CCDC9: variants seen among roughly 807,000 people sequenced by gnomAD.
The protein encoded by CCDC9 is coiled-coil domain-containing protein 9.
CCDC9 carries 52 observed loss-of-function variants against 65.6 expected under a neutral mutation model. The observed-to-expected ratio is 0.79, with a 90% CI of 0.63 to 1.00. CCDC9 has a LOEUF of 1.00. Among genes scored for constraint, CCDC9 ranks in the 50% least tolerant of loss-of-function variants. The pLI is 0.00. For synonymous variants in CCDC9, 332 were observed against 280.3 expected (o/e 1.18, Z -1.84); for missense variants, 834 against 757.2 (o/e 1.10, Z -1.19).
chr19:47,275,160 G>T, downstream of CCDC9: 1 of 1,480,338 alleles, frequency 6.8e-7, no homozygotes. Flanking sequence ...TGCCCGCCCG[G>T]GCGTGCCGCC....
downstream of CCDC9, chr19:47,272,010 CTTG>C: frequency 1.6e-6 from 2 of 1,240,138 alleles, no homozygotes; most frequent in Non-Finnish European, 2.0e-6. Context: ...GGCCTTCTCT[CTTG>C]GGGTGGGGAG....
At chr19:47,274,309 C>T (rs1165212184), downstream of CCDC9, 7 of 47,788 alleles carry the variant, frequency 1.5e-4, no homozygotes, top group South Asian at 2.6e-3. Flanking sequence ...GGAGTTAGAG[C>T]GGGGGGCGGG....
At chr19:47,266,539 G>T in intron 7 of CCDC9, 72 bp from the exon 8 acceptor site, 13 of 1,442,852 alleles carry the variant, frequency 9.0e-6, no homozygotes, top group Non-Finnish European at 1.2e-5. Flanking sequence ...TGAGCAAGTG[G>T]ATGTGCCTCG....
chr19:47,275,002 T>A, downstream of CCDC9: 2 of 1,474,578 alleles, frequency 1.4e-6, no homozygotes, highest in Non-Finnish European at 1.8e-6. Context: ...GGGCGCTGGC[T>A]GCGCTTGGCT....
intron 3 of CCDC9, 122 bp downstream of exon 3, chr19:47,258,785 G>C: frequency 1.4e-6 from 1 of 689,770 alleles, no homozygotes; most frequent in Non-Finnish European, 2.6e-6. Context: ...AAGGCCAAAG[G>C]CCTTAGCCTG....
At chr19:47,259,095 G>A (rs1426619807) in intron 3 of CCDC9, among the ~76,000 whole-genome samples, 1 of 152,230 alleles carries the variant, frequency 6.6e-6, no homozygotes, top group Non-Finnish European at 1.5e-5. Flanking sequence ...GGACTCTGAG[G>A]CTTGAGTGGT....
chr19:47,257,468 T>G (rs2059018154), intron 1 of CCDC9: 1 of 148,552 alleles, frequency 6.7e-6, no homozygotes, highest in South Asian at 2.1e-4. Context: ...CCAGAAAGTT[T>G]TTTCCCGAGC....
downstream of CCDC9, chr19:47,275,137 C>G: frequency 6.7e-7 from 1 of 1,491,180 alleles, no homozygotes; most frequent in South Asian, 1.3e-5. Flanking sequence ...AGCGCGCCGT[C>G]CCCTCCGTGT....
At chr19:47,267,301 G>A (rs894891105) in intron 8 of CCDC9, among the ~76,000 whole-genome samples, 4 of 151,904 alleles carry the variant, frequency 2.6e-5, no homozygotes, top group African/African-American at 7.3e-5. Flanking sequence ...TGGAGACAGA[G>A]TCTAGCTCTG....
Position 47,260,628 on chromosome 19 carries a change from C to T in CCDC9, c.251C>T (p.Pro84Leu), listed in dbSNP as rs1049188328. ...LGPSRRSPGT[P>L]RPPGASKGGR... The stretch of plus-strand genomic sequence containing the variant: ...CCTTCCCGGAGGTCTCCTGGGACCC[C>T]TCGGCCCCCAGGGGCCAGCAAGGGG... Residue 84 changes from proline (P) to leucine (L), a missense_variant, in exon 5 of 12, where the codon CCT becomes CTT. Pro to Leu is a moderately conservative substitution (Grantham distance 98). Coordinates refer to ENST00000221922, the MANE Select transcript of CCDC9 (RefSeq NM_015603.3). 3 of 1,523,392 alleles carry T rather than the reference C, an allele frequency of 2.0e-6. No individual in the cohort carries two copies. Among genetic ancestry groups the T allele is most frequent in the African/African-American group, 2.8e-5 (2 of 71,976 alleles). The allele number at this position is 1,523,392 out of a possible 1,614,324, so 94.4% of individuals were successfully genotyped here. A position where few individuals can be genotyped will look rare whatever the true frequency, so the allele number is the denominator to read the frequency against.
At chr19:47,275,389 G>A, downstream of CCDC9, 3 of 1,521,852 alleles carry the variant, frequency 2.0e-6, no homozygotes, top group South Asian at 1.2e-5. Flanking sequence ...GCCCTCGAGA[G>A]CTCTGTGCTC....
intron 10 of CCDC9, 45 bp from the exon 11 acceptor site, chr19:47,271,037 G>A: frequency 7.1e-7 from 1 of 1,412,388 alleles, no homozygotes; most frequent in East Asian, 2.5e-5. Flanking sequence ...CCTTCCTCCT[G>A]TCTACTCTCC....
chr19:47,258,506 C>T, intron 2 of CCDC9, 53 bp from the exon 3 acceptor site: 1 of 1,603,472 alleles, frequency 6.2e-7, no homozygotes, highest in Non-Finnish European at 8.5e-7. Flanking sequence ...GGGAAAGTCC[C>T]TGGTATGGAT....
At chr19:47,272,192 G>A (rs894774558), downstream of CCDC9, 8 of 1,217,680 alleles carry the variant, frequency 6.6e-6, no homozygotes, top group Admixed American at 4.2e-5. Context: ...TGGGATGGAG[G>A]CCGCTGCTTC....
rs1449017839 is a variant in CCDC9 at position 47,267,252 on chromosome 19, CCG to C, written c.902+467_902+468del. 2.6e-5 allele frequency among the ~76,000 whole-genome samples: 4 copies of C among 151,808 alleles called. No individual in the cohort carries two copies. In the South Asian group the frequency reaches 6.2e-4, roughly 24 times the overall value. ...GTGCTGAGATTACAGGCGTGAGCCA[CCG>C]CGCGCGGCCGAGCATTTCTGGTTTT... is the stretch of plus-strand genomic sequence containing the variant. On this transcript the variant is annotated intron_variant, in intron 8 of 11. Coordinates refer to ENST00000221922, the MANE Select transcript of CCDC9 (RefSeq NM_015603.3).
At chr19:47,273,875 T>C, downstream of CCDC9, 2 of 674,134 alleles carry the variant, frequency 3.0e-6, no homozygotes, top group Non-Finnish European at 3.7e-6. Flanking sequence ...GCTGGGTCGC[T>C]GTGCTTGGCG....
chr19:47,270,341 C>A, intron 8 of CCDC9, 66 bp from the exon 9 acceptor site: 1 of 1,504,414 alleles, frequency 6.6e-7, no homozygotes, highest in East Asian at 2.3e-5. Flanking sequence ...TGACCTCTCC[C>A]ATCTTCTTGA....
At chr19:47,262,021 C>CAAAAAAAAAAAAAAAA (rs140043359) in intron 5 of CCDC9, among the ~76,000 whole-genome samples, 1 of 143,712 alleles carries the variant, frequency 7.0e-6, no homozygotes, top group Non-Finnish European at 1.5e-5. Context: ...AACTCCGTCT[C>CAAAAAAAAAAAAAAAA]AAAAAAAAAA....
intron 5 of CCDC9, 114 bp from the exon 6 acceptor site, chr19:47,264,489 G>A (rs922902974): frequency 1.7e-5 from 16 of 962,658 alleles, no homozygotes; most frequent in Non-Finnish European, 2.2e-5. Context: ...ATGGTCAGAT[G>A]CCAGCAGGCC....
Sources: gnomAD v4.1 joint callset for allele counts (sites outside exome capture counted in the v4.1 genomes callset) on GRCh38, gnomAD v4.1.1 for gene constraint, MANE v1.5 for transcripts, NCBI Gene and HGNC (gene_info 2026-07-23, HGNC 2026-07-21) for gene names.